The following SPIN3 variants were observed in gnomAD, a reference collection of about 807,000 sequenced individuals.
SPIN3 encodes spindlin-3.
For missense variants in SPIN3, 176 were observed against 196.4 expected, an observed-to-expected ratio of 0.90 and a Z score of 0.62; for synonymous variants, 74 against 74.3, an observed-to-expected ratio of 1.00 and a Z score of 0.02.
chrX:56,983,375 A>G (rs896042384), intron 3 of SPIN3, among the ~76,000 whole-genome samples: 5 of 111,655 alleles, frequency 4.5e-5, no homozygotes, highest in African/African-American at 1.6e-4. Flanking sequence ...TGAGGATTAG[A>G]AAACTTTGGG....
chrX:56,994,896 C>A lies in SPIN3; in HGVS notation c.52G>T (p.Ala18Ser). 5.0e-6 allele frequency: 6 copies of A among 1,209,740 alleles called. No homozygotes were observed. The highest frequency in any genetic ancestry group is 6.7e-6 in the Non-Finnish European group (6 of 894,565). ...AAAGQRSRTG[A>S]GHGSVSVTMI... ...GTAACAGACACACTGCCGTGGCCAG[C>A]GCCCGTCCTGGACCGCTGCCCTGCA... Residue 18 changes from alanine (A) to serine (S), a missense_variant, in exon 2 of 2, where the codon GCT (alanine) becomes TCT (serine). Physicochemically the swap from Ala to Ser is moderately conservative, Grantham distance 99 (BLOSUM62 1). Coordinates refer to ENST00000374919, the MANE Select transcript of SPIN3 (RefSeq NM_001010862.3).
intron 3 of SPIN3, among the ~76,000 whole-genome samples, chrX:56,983,319 T>C (rs948950793): frequency 9.0e-6 from 1 of 111,667 alleles, no homozygotes; most frequent in Admixed American, 9.6e-5. Context: ...ACTCACATTT[T>C]AGTGAATGAG....
intron 3 of SPIN3, among the ~76,000 whole-genome samples, chrX:56,981,212 T>A (rs958941489): frequency 1.8e-5 from 2 of 109,334 alleles, no homozygotes; most frequent in African/African-American, 6.7e-5. Context: ...AATACAAAAA[T>A]TATCCAGGCA....
chrX:56,983,411 C>G (rs1924159191), intron 3 of SPIN3, among the ~76,000 whole-genome samples: 1 of 111,729 alleles, frequency 9.0e-6, no homozygotes, highest in Admixed American at 9.5e-5. Context: ...CCCAGCCATC[C>G]CACTACTCTT....
intron 3 of SPIN3, among the ~76,000 whole-genome samples, chrX:56,983,621 T>C: frequency 8.9e-6 from 1 of 112,637 alleles, no homozygotes; most frequent in African/African-American, 3.2e-5. Context: ...AGGGAGGCCC[T>C]AAGGCCAACG....
In SPIN3 at chrX:56,994,009, G is replaced by A. The variant is rs1924417175; in HGVS notation, c.*162C>T. 1.1e-5 allele frequency: 5 copies of A among 475,445 alleles called. No homozygotes were observed. In the South Asian group the frequency reaches 2.2e-4, roughly 21 times the overall value. The allele number at this position is 475,445 out of a possible 1,213,427, so 39.2% of individuals were successfully genotyped here. A position where few individuals can be genotyped will look rare whatever the true frequency, so the allele number is the denominator to read the frequency against. ...GAAAAGGTTGGACAGATGGGCAAAA[G>A]GTTTCTTCCAAAAACGTATGAGAGG... On this transcript the variant is annotated 3_prime_UTR_variant, in exon 2 of 2. Transcript: ENST00000374919.
At chrX:56,987,479 T>C (rs1368276116), downstream of SPIN3, among the ~76,000 whole-genome samples, 1 of 111,849 alleles carries the variant, frequency 8.9e-6, no homozygotes, top group African/African-American at 3.3e-5. Flanking sequence ...TGCTCTGCTT[T>C]TTTGTTCTTC....
rs1362119383 is a variant in SPIN3, at chrX:56,993,623, T to C, written c.*548A>G. The stretch of plus-strand genomic sequence containing the variant: ...TCTTAATTCTAAAACAGTTGAGCAA[T>C]AGGTGAAAGAACCGGAAAGAGAGCA... On this transcript the variant is annotated 3_prime_UTR_variant, in exon 2 of 2. Coordinates refer to ENST00000374919, the MANE Select transcript of SPIN3 (RefSeq NM_001010862.3). 1 of 112,345 alleles carries C rather than the reference T, an allele frequency of 8.9e-6. No homozygotes were observed. 9.3% of individuals were successfully genotyped at this position (112,345 alleles called of 1,213,427 possible). A position where few individuals can be genotyped will look rare whatever the true frequency, so the allele number is the denominator to read the frequency against.
In SPIN3 at chrX:56,994,735, G is replaced by A. The variant is rs769527713; in HGVS notation, c.213C>T (p.Thr71=). The A allele has an allele frequency of 8.3e-7, 1 of 1,210,020 alleles. No individual in the cohort carries two copies. The highest frequency in any genetic ancestry group is 1.7e-5 in the African/African-American group (1 of 57,197). The change falls in exon 2 of 2, where the codon ACC becomes ACT. Residue 71 remains threonine (T), a synonymous_variant. Coordinates refer to ENST00000374919, the MANE Select transcript of SPIN3 (RefSeq NM_001010862.3). Reference sequence around the variant, plus strand: ...GATTTACAGGTACCTGATCCAGAACGGTTCCTTTCCACTGTGTTAGAGGTT... The same window carrying A: ...GATTTACAGGTACCTGATCCAGAACAGTTCCTTTCCACTGTGTTAGAGGTT... ...GDEPLTQWKG[T]VLDQVPVNPS...
chrX:56,984,035 G>A (rs764630206), intron 3 of SPIN3, among the ~76,000 whole-genome samples: 18 of 111,266 alleles, frequency 1.6e-4, no homozygotes, highest in Non-Finnish European at 2.5e-4. Context: ...TGCACTCAGG[G>A]ATCCTCTCAC....
rs1460358470 is a variant in SPIN3, at chrX:56,993,578, A to G, written c.*593T>C. On this transcript the variant is annotated 3_prime_UTR_variant, in exon 2 of 2. Coordinates refer to ENST00000374919, the MANE Select transcript of SPIN3 (RefSeq NM_001010862.3). The stretch of plus-strand genomic sequence containing the variant: ...GTTTCTCAGCCTATGGTTAGGTACT[A>G]AAATGCAAAGTAATTACCTTCTTAA... 1 of 112,470 alleles carries G rather than the reference A, an allele frequency of 8.9e-6. No homozygotes were observed. Among genetic ancestry groups the G allele is most frequent in the Non-Finnish European group, 1.9e-5 (1 of 53,344 alleles). 9.3% of individuals were successfully genotyped at this position (112,470 alleles called of 1,213,427 possible). A position where few individuals can be genotyped will look rare whatever the true frequency, so the allele number is the denominator to read the frequency against.
intron 2 of SPIN3, among the ~76,000 whole-genome samples, chrX:56,985,597 C>A (rs1010209134): frequency 8.9e-6 from 1 of 112,183 alleles, no homozygotes; most frequent in African/African-American, 3.2e-5. Context: ...CAGGTATTGA[C>A]CCCAAGGGCG....
downstream of SPIN3, among the ~76,000 whole-genome samples, chrX:56,989,368 T>A (rs139950646): frequency 7.3e-3 from 811 of 111,207 alleles, 8 homozygotes; most frequent in African/African-American, 0.025. Flanking sequence ...AAGAAATGTG[T>A]CCATGGATAC....
intron 3 of SPIN3, among the ~76,000 whole-genome samples, chrX:56,980,903 C>T (rs193133507): frequency 1.2e-3 from 130 of 109,611 alleles, no homozygotes; most frequent in African/African-American, 4.0e-3. Flanking sequence ...CATTTCCTTT[C>T]GTGGTACAGA....
chrX:56,982,223 T>A (rs1398470503), intron 3 of SPIN3: 1 of 110,950 alleles, frequency 9.0e-6, no homozygotes, highest in Non-Finnish European at 1.9e-5. Context: ...CCTGAATGCA[T>A]CCAGGTCAGG....
In SPIN3 at chrX:56,992,667, G is replaced by A. The variant is rs180938242; in HGVS notation, c.*1504C>T. ...AGCCCCAAATGTGCAGAACTCCATGGCCTTATTAGGCTGTTACTGCTAATG... is the reference window on the plus strand; with the variant it reads ...AGCCCCAAATGTGCAGAACTCCATGACCTTATTAGGCTGTTACTGCTAATG... On this transcript the variant is annotated 3_prime_UTR_variant, in exon 2 of 2. Transcript: ENST00000374919. 1.8e-4 allele frequency: 53 copies of A among 291,819 alleles called. No homozygotes were observed. Among genetic ancestry groups the A allele is most frequent in the African/African-American group, 1.3e-3 (48 of 36,179 alleles). 24.0% of individuals were successfully genotyped at this position (291,819 alleles called of 1,213,427 possible).
At chrX:56,986,177 CTAGT>C (rs1319554173), downstream of SPIN3, among the ~76,000 whole-genome samples, 3 of 111,129 alleles carry the variant, frequency 2.7e-5, no homozygotes, top group African/African-American at 9.8e-5. Context: ...TCCCAAATGC[CTAGT>C]TAAAGTGCCT....
At chrX:56,980,592 A>T (rs1371660273) in intron 3 of SPIN3, 1 of 14,464 alleles carries the variant, frequency 6.9e-5, no homozygotes, top group African/African-American at 2.0e-4. Context: ...TTCCTTCATT[A>T]AAAAAAAAAG....
downstream of SPIN3, among the ~76,000 whole-genome samples, chrX:56,988,646 C>A (rs1444450352): frequency 1.8e-5 from 2 of 110,856 alleles, no homozygotes; most frequent in South Asian, 3.9e-4. Flanking sequence ...ACCTATAAAT[C>A]AGTGATTTTC....
Sources: gnomAD v4.1 joint callset for allele counts (sites outside exome capture counted in the v4.1 genomes callset) on GRCh38, gnomAD v4.1.1 for gene constraint, MANE v1.5 for transcripts, NCBI Gene and HGNC (gene_info 2026-07-23, HGNC 2026-07-21) for gene names.